Variants in ANK3 observed in about 807,000 individuals in gnomAD.
ANK3 encodes ankyrin 3.
Under a neutral mutation model 370.9 loss-of-function variants are expected in ANK3, and 57 were observed. The observed-to-expected ratio is 0.15, with a 90% CI of 0.12 to 0.19. The LOEUF (loss-of-function observed/expected upper bound fraction) is 0.19. ANK3 is among the 10% of genes least tolerant of loss of function. ANK3 has a pLI of 1.00. For missense variants in ANK3, 4,439 were observed against 5,302.1 expected (o/e 0.84, Z 5.06); for synonymous variants, 1,929 against 1,946.3 (o/e 0.99, Z 0.23).
chr10:60,621,681 G>GCTACTTGCA (rs2078339738), intron 1 of ANK3, among the ~76,000 whole-genome samples: 1 of 151,914 alleles, frequency 6.6e-6, no homozygotes, highest in Admixed American at 6.6e-5. Context: ...TTTATTGTTA[G>GCTACTTGCA]CAATTTTTAT....
chr10:60,265,335 G>C (rs969016284), intron 5 of ANK3, among the ~76,000 whole-genome samples: 2 of 152,116 alleles, frequency 1.3e-5, no homozygotes, highest in African/African-American at 4.8e-5. Context: ...CACGACTTTA[G>C]AATAAATTCA....
At chr10:60,175,448 T>C (rs781704377) in intron 18 of ANK3, among the ~76,000 whole-genome samples, 6 of 152,170 alleles carry the variant, frequency 3.9e-5, no homozygotes, top group Non-Finnish European at 5.9e-5. Context: ...TTTTCTTGAG[T>C]AGCTAAATAA....
intron 1 of ANK3, among the ~76,000 whole-genome samples, chr10:60,634,268 C>G (rs1018007962): frequency 2.6e-5 from 4 of 152,116 alleles, no homozygotes; most frequent in African/African-American, 7.2e-5. Context: ...GATAATTCAA[C>G]AAGAAGAGGA....
Position 60,074,778 on chromosome 10 carries a change from C to A in ANK3, c.6103G>T (p.Asp2035Tyr). The A allele has an allele frequency of 6.2e-7, 1 of 1,614,088 alleles. No homozygotes were observed. Among genetic ancestry groups the A allele is most frequent in the Non-Finnish European group, 8.5e-7 (1 of 1,180,000 alleles). ...CTCCCAATATCATTTGTTAGGTAATCAATAACTTTGGTCAAGTTATAATCC... is the reference window on the plus strand; with the variant it reads ...CTCCCAATATCATTTGTTAGGTAATAAATAACTTTGGTCAAGTTATAATCC... ...EKDYNLTKVI[D>Y]YLTNDIGSSS... Residue 2035 changes from aspartate (D) to tyrosine (Y), a missense_variant, in exon 37 of 44, where the codon GAT (aspartate) becomes TAT (tyrosine). Asp to Tyr is a radical substitution (Grantham distance 160). Around this residue, in one of 13 missense-constraint regions of ANK3, gnomAD observed 679 missense variants for 791.0 expected, o/e 0.86. Transcript: ENST00000280772.
At chr10:60,595,217 T>C (rs2077970523) in intron 2 of ANK3, among the ~76,000 whole-genome samples, 1 of 152,002 alleles carries the variant, frequency 6.6e-6, no homozygotes. Flanking sequence ...CTTATCAAGA[T>C]AGGAGAATTG....
intron 24 of ANK3, among the ~76,000 whole-genome samples, chr10:60,134,796 T>A (rs991130645): frequency 2.0e-5 from 3 of 152,224 alleles, no homozygotes; most frequent in African/African-American, 7.2e-5. Context: ...AATGGGTCTG[T>A]TTATAAGTCT....
At chr10:60,148,013 C>T (rs2094916453) in intron 23 of ANK3, among the ~76,000 whole-genome samples, 1 of 152,038 alleles carries the variant, frequency 6.6e-6, no homozygotes, top group Admixed American at 6.5e-5. Flanking sequence ...TTAAGAAGGC[C>T]AAAGAAGCGT....
At chr10:60,360,319 A>G (rs141647354) in intron 1 of ANK3, among the ~76,000 whole-genome samples, 1 of 152,336 alleles carries the variant, frequency 6.6e-6, no homozygotes, top group Non-Finnish European at 1.5e-5. Flanking sequence ...GTGCTCAGCT[A>G]AAAGGTCAAG....
chr10:60,490,284 G>A (rs1469516796), intron 2 of ANK3, among the ~76,000 whole-genome samples: 1 of 152,134 alleles, frequency 6.6e-6, no homozygotes, highest in South Asian at 2.1e-4. Context: ...CATTCTCAGG[G>A]TCTTTCCCAG....
chr10:60,545,265 G>A (rs1325561737), intron 2 of ANK3, among the ~76,000 whole-genome samples: 4 of 151,970 alleles, frequency 2.6e-5, no homozygotes, highest in African/African-American at 9.7e-5. Context: ...AGTTGTGGGA[G>A]AGAACAGAAA....
chr10:60,291,434 G>T (rs2041364229), intron 1 of ANK3, among the ~76,000 whole-genome samples: 1 of 152,074 alleles, frequency 6.6e-6, no homozygotes, highest in Admixed American at 6.6e-5. Flanking sequence ...TATGGAAGTT[G>T]CAAGGTATCT....
intron 23 of ANK3, among the ~76,000 whole-genome samples, chr10:60,152,873 T>C (rs2095194515): frequency 6.6e-6 from 1 of 152,182 alleles, no homozygotes; most frequent in Non-Finnish European, 1.5e-5. Context: ...TTTTCCTTCC[T>C]TAAAAATCTC....
intron 8 of ANK3, among the ~76,000 whole-genome samples, chr10:60,228,969 T>C (rs1159785572): frequency 2.0e-5 from 3 of 152,224 alleles, no homozygotes; most frequent in South Asian, 2.1e-4. Context: ...TTTAGATCTC[T>C]AATTTGGCAA....
chr10:60,083,354 C>A, intron 33 of ANK3, 138 bp downstream of exon 33: 3 of 883,200 alleles, frequency 3.4e-6, no homozygotes, highest in South Asian at 1.7e-5. Flanking sequence ...TCTGGTAGAA[C>A]CAGAACAAAA....
At chr10:60,653,742 C>G (rs2078823764) in intron 1 of ANK3, among the ~76,000 whole-genome samples, 2 of 152,272 alleles carry the variant, frequency 1.3e-5, no homozygotes, top group Admixed American at 1.3e-4. Flanking sequence ...GTGGTGCACA[C>G]CTGTGGCCCC....
chr10:60,152,809 AC>A (rs2095191343), intron 23 of ANK3, among the ~76,000 whole-genome samples: 1 of 151,924 alleles, frequency 6.6e-6, no homozygotes, highest in South Asian at 2.1e-4. Context: ...CACATCCCCC[AC>A]CCCAAACACA....
intron 26 of ANK3, among the ~76,000 whole-genome samples, chr10:60,110,690 A>C (rs1215654705): frequency 1.3e-5 from 2 of 152,308 alleles, no homozygotes; most frequent in East Asian, 3.9e-4. Flanking sequence ...AACTACTTTT[A>C]TTCAATAATG....
chr10:60,155,220 C>T (rs534782600), intron 23 of ANK3, among the ~76,000 whole-genome samples: 1 of 152,332 alleles, frequency 6.6e-6, no homozygotes, highest in East Asian at 1.9e-4. Context: ...ACCCCTCCCC[C>T]AGCCCCAGGC....
At chr10:60,248,560 G>T (rs763798049) in intron 7 of ANK3, among the ~76,000 whole-genome samples, 4 of 152,112 alleles carry the variant, frequency 2.6e-5, no homozygotes, top group Non-Finnish European at 5.9e-5. Context: ...TTTTGACCAA[G>T]AAACTATTTG....
Sources: allele counts gnomAD v4.1 joint callset (sites outside exome capture counted in the v4.1 genomes callset), GRCh38; gene constraint gnomAD v4.1.1; regional missense constraint gnomAD v4.1.1; transcripts MANE v1.5; gene names NCBI Gene and HGNC (gene_info 2026-07-23, HGNC 2026-07-21).